The following BFSP1 variants were observed in gnomAD, a reference collection of about 807,000 sequenced individuals.
BFSP1 encodes beaded filament structural protein 1.
Under a neutral mutation model 43.9 loss-of-function variants are expected in BFSP1, and 38 were observed. The observed-to-expected ratio is 0.87, with a 90% CI of 0.67 to 1.14. BFSP1 has a LOEUF of 1.14. Ranked by LOEUF, BFSP1 falls within the 50% of genes most tolerant of loss-of-function variation. BFSP1 has a pLI of 0.00. For missense variants in BFSP1, 850 were observed against 875.1 expected, an observed-to-expected ratio of 0.97 and a Z score of 0.36; for synonymous variants, 352 against 354.8, an observed-to-expected ratio of 0.99 and a Z score of 0.09.
At chr20:17,528,631 C>A (rs958033002) in intron 1 of BFSP1, among the ~76,000 whole-genome samples, 2 of 152,110 alleles carry the variant, frequency 1.3e-5, no homozygotes, top group Non-Finnish European at 2.9e-5. Flanking sequence ...GTGAGAAAAC[C>A]CAGGTTCAAG....
At chr20:17,502,730 G>A (rs1354065677) in intron 5 of BFSP1, among the ~76,000 whole-genome samples, 1 of 152,202 alleles carries the variant, frequency 6.6e-6, no homozygotes, top group Non-Finnish European at 1.5e-5. Context: ...TTCAGCTAGT[G>A]TGATCCAGTT....
At chr20:17,516,466 T>C (rs1315170347) in intron 2 of BFSP1, among the ~76,000 whole-genome samples, 2 of 152,260 alleles carry the variant, frequency 1.3e-5, no homozygotes, top group African/African-American at 4.8e-5. Context: ...GACTCTATTG[T>C]AGCCTCTGCC....
chr20:17,529,064 A>AGTGTGTGT (rs11473581), intron 1 of BFSP1, among the ~76,000 whole-genome samples: 7,667 of 147,142 alleles, frequency 0.052, 223 homozygotes, highest in African/African-American at 0.077. Flanking sequence ...TGGTTAAATA[A>AGTGTGTGT]GTGTGTGTGT....
chr20:17,524,291 C>A (rs2034375653), intron 2 of BFSP1, among the ~76,000 whole-genome samples: 1 of 152,166 alleles, frequency 6.6e-6, no homozygotes, highest in Non-Finnish European at 1.5e-5. Context: ...AAGGAAATCA[C>A]CACTGTTCTG....
chr20:17,503,376 G>GA (rs940770785), intron 5 of BFSP1, among the ~76,000 whole-genome samples: 4 of 152,078 alleles, frequency 2.6e-5, no homozygotes, highest in African/African-American at 9.7e-5. Flanking sequence ...AAGAGTAAAA[G>GA]AAAAAATTAC....
upstream of BFSP1, among the ~76,000 whole-genome samples, chr20:17,559,545 G>A (rs2035047697): frequency 6.6e-6 from 1 of 152,180 alleles, no homozygotes; most frequent in East Asian, 1.9e-4. Context: ...GGCAAGACTA[G>A]AATTTGTGTC....
chr20:17,508,516 C>T (rs779420813), intron 5 of BFSP1, among the ~76,000 whole-genome samples: 25 of 152,118 alleles, frequency 1.6e-4, no homozygotes, highest in Admixed American at 1.2e-3. Context: ...CTATGGTGTC[C>T]GTTTCTTCTT....
intron 2 of BFSP1, chr20:17,517,394 C>G: frequency 1.3e-6 from 1 of 765,152 alleles, no homozygotes; most frequent in African/African-American, 1.7e-5. Context: ...GCGTTTCCTC[C>G]TGCCTCAGCC....
chr20:17,557,932 T>C (rs959557178), intron 1 of BFSP1, among the ~76,000 whole-genome samples: 3 of 152,200 alleles, frequency 2.0e-5, no homozygotes, highest in African/African-American at 4.8e-5. Context: ...ATATTTTCTT[T>C]AGAAACTAAA....
At chr20:17,548,506 T>C (rs987243601) in intron 1 of BFSP1, among the ~76,000 whole-genome samples, 3 of 152,204 alleles carry the variant, frequency 2.0e-5, no homozygotes, top group African/African-American at 7.2e-5. Context: ...AATACCTGTA[T>C]GAATTGGGTG....
At chr20:17,541,298 G>A in intron 1 of BFSP1, 1 of 980,858 alleles carries the variant, frequency 1.0e-6, no homozygotes. Context: ...CTCTTAAATG[G>A]GAAAGCTGAA....
At chr20:17,533,212 A>C (rs925572896), upstream of BFSP1, among the ~76,000 whole-genome samples, 30 of 152,168 alleles carry the variant, frequency 2.0e-4, no homozygotes, top group African/African-American at 6.8e-4. Flanking sequence ...AAAATAATAA[A>C]TAAAAATACA....
At chr20:17,529,286 G>C (rs545504937) in intron 1 of BFSP1, among the ~76,000 whole-genome samples, 3 of 152,330 alleles carry the variant, frequency 2.0e-5, no homozygotes, top group East Asian at 3.9e-4. Context: ...ATGTTGGCCA[G>C]GCTGGTCTGG....
At chr20:17,506,506 G>A (rs1455804246) in intron 5 of BFSP1, among the ~76,000 whole-genome samples, 2 of 150,526 alleles carry the variant, frequency 1.3e-5, no homozygotes, top group Non-Finnish European at 3.0e-5. Flanking sequence ...TTTGATAACT[G>A]TTTTAATATA....
intron 1 of BFSP1, among the ~76,000 whole-genome samples, chr20:17,555,923 A>G (rs946465022): frequency 6.6e-6 from 1 of 152,188 alleles, no homozygotes; most frequent in Non-Finnish European, 1.5e-5. Flanking sequence ...AAAATATACA[A>G]TAGAGCCAGA....
chr20:17,547,835 A>G (rs1408522540), intron 1 of BFSP1, among the ~76,000 whole-genome samples: 1 of 149,554 alleles, frequency 6.7e-6, no homozygotes, highest in Non-Finnish European at 1.5e-5. Context: ...GGCTCAATCA[A>G]TTCTTCTGCC....
chr20:17,567,400 A>G (rs16999423), intron 1 of BFSP1, among the ~76,000 whole-genome samples: 2,685 of 152,274 alleles, frequency 0.018, 100 homozygotes, highest in African/African-American at 0.062. Context: ...GTAATGGAAA[A>G]TGCACATAAA....
At chr20:17,509,554 A>G (rs73105002) in intron 4 of BFSP1, among the ~76,000 whole-genome samples, 22,555 of 152,168 alleles carry the variant, frequency 0.15, 1,769 homozygotes, top group Middle Eastern at 0.21. Context: ...ACCAGAGCTT[A>G]GACCTGGCTG....
At chr20:17,566,116 T>G (rs2035115681) in intron 1 of BFSP1, among the ~76,000 whole-genome samples, 1 of 25,312 alleles carries the variant, frequency 4.0e-5, no homozygotes, top group Non-Finnish European at 7.5e-5. Flanking sequence ...AGACTCCGTC[T>G]CAAAAAAAAA....
Sources: gnomAD v4.1 joint callset for allele counts (sites outside exome capture counted in the v4.1 genomes callset) on GRCh38, gnomAD v4.1.1 for gene constraint, MANE v1.5 for transcripts, NCBI Gene and HGNC (gene_info 2026-07-23, HGNC 2026-07-21) for gene names.